KALRN: variants seen among roughly 807,000 people sequenced by gnomAD.
The protein encoded by KALRN is kalirin RhoGEF kinase.
In KALRN, 70 loss-of-function variants were observed where a neutral mutation model predicts 353.7. The observed-to-expected ratio is 0.20, with a 90% CI of 0.16 to 0.24. The LOEUF (loss-of-function observed/expected upper bound fraction) is 0.24, where lower values mean the gene tolerates loss of function less well. KALRN is among the 10% of genes least tolerant of loss of function. The pLI, the probability that KALRN is intolerant of heterozygous loss-of-function variation, is 1.00. For missense variants in KALRN, 2,791 were observed against 3,756.7 expected (o/e 0.74, Z 6.72); for synonymous variants, 1,391 against 1,434.8 (o/e 0.97, Z 0.69).
chr3:124,464,822 A>G (rs1053958274), intron 25 of KALRN, among the ~76,000 whole-genome samples: 1 of 151,510 alleles, frequency 6.6e-6, no homozygotes, highest in African/African-American at 2.4e-5. Flanking sequence ...AGCTGTCTAA[A>G]GAAGACAAAC....
intron 56 of KALRN, 62 bp from the exon 57 acceptor site, chr3:124,701,976 A>AT: frequency 1.9e-5 from 26 of 1,357,324 alleles, no homozygotes; most frequent in South Asian, 3.5e-5. Flanking sequence ...TTTTCTGTTA[A>AT]TTTTTTCTTT....
In KALRN at chr3:124,540,013, G is replaced by A. The variant is rs571239069; in HGVS notation, c.4936-22830G>A. ...CAACCTCCGCCTCCCAGGTTCAAGC[G>A]ATTCTCCTGCCTCAGCCTCCCGATT... On this transcript the variant is annotated intron_variant, in intron 33 of 59. Coordinates refer to ENST00000682506, the MANE Select transcript of KALRN (RefSeq NM_001388419.1). Among the ~76,000 whole-genome samples, 12 of 152,014 alleles carry A rather than the reference G, an allele frequency of 7.9e-5. No individual in the cohort carries two copies. The South Asian group carries it at 1.7e-3, about 21-fold the overall frequency.
At chr3:124,437,784 G>A (rs963651) in intron 17 of KALRN, among the ~76,000 whole-genome samples, 80,322 of 150,502 alleles carry the variant, frequency 0.53, 22,459 homozygotes, top group East Asian at 0.78. Context: ...CCCTACTGCC[G>A]TATCCAAACA....
chr3:124,596,001 G>C (rs180832033), intron 34 of KALRN, among the ~76,000 whole-genome samples: 181 of 152,282 alleles, frequency 1.2e-3, no homozygotes, highest in African/African-American at 4.1e-3. Flanking sequence ...CAGCTCTGCT[G>C]TAACTCTGTG....
In KALRN at chr3:124,725,319, A is replaced by G. The variant is rs796642224; in HGVS notation, c.*5849A>G. 1.6e-4 allele frequency: 24 copies of G among 152,308 alleles called. No homozygotes were observed. Among genetic ancestry groups the G allele is most frequent in the African/African-American group, 5.3e-4 (22 of 41,564 alleles). The allele number at this position is 152,308 out of a possible 1,614,324, so 9.4% of individuals were successfully genotyped here. On this transcript the variant is annotated 3_prime_UTR_variant, in exon 60 of 60. Coordinates refer to ENST00000682506, the MANE Select transcript of KALRN (RefSeq NM_001388419.1). The stretch of plus-strand genomic sequence containing the variant: ...GTGCTTTTACTTCTGTTTCTGCCAA[A>G]CTTCAGCCTACTCTATGGGGAAGGT...
At chr3:124,651,271 AG>A (rs1304563457) in intron 38 of KALRN, among the ~76,000 whole-genome samples, 2 of 152,246 alleles carry the variant, frequency 1.3e-5, no homozygotes, top group Non-Finnish European at 2.9e-5. Context: ...CTATAGAATC[AG>A]AGAGTCTCTG....
chr3:124,633,416 A>C (rs1037641772), intron 35 of KALRN, among the ~76,000 whole-genome samples: 1 of 152,230 alleles, frequency 6.6e-6, no homozygotes, highest in Non-Finnish European at 1.5e-5. Context: ...GATGTGGCTA[A>C]GAAATTCTTT....
chr3:124,216,525 C>T (rs940353563), intron 1 of KALRN, among the ~76,000 whole-genome samples: 38 of 152,324 alleles, frequency 2.5e-4, no homozygotes, highest in African/African-American at 8.2e-4. Flanking sequence ...TGGCTTTCCC[C>T]CATCACATAC....
At chr3:124,529,681 G>T (rs1247885522) in intron 33 of KALRN, among the ~76,000 whole-genome samples, 1 of 151,908 alleles carries the variant, frequency 6.6e-6, no homozygotes, top group African/African-American at 2.4e-5. Flanking sequence ...TCTGATAAAT[G>T]CCAACTCTTC....
chr3:124,541,674 G>A (rs1310274258), intron 33 of KALRN, among the ~76,000 whole-genome samples: 1 of 150,306 alleles, frequency 6.7e-6, no homozygotes, highest in Non-Finnish European at 1.5e-5. Context: ...CTTGAGGTCA[G>A]AAGTTTGAGA....
intron 34 of KALRN, chr3:124,585,049 A>G (rs1304184883): frequency 1.9e-6 from 2 of 1,043,546 alleles, no homozygotes; most frequent in African/African-American, 3.4e-5. Flanking sequence ...CGGCGAAGTG[A>G]GAGAGTTTGC....
chr3:124,115,093 G>A (rs1021824324), intron 1 of KALRN, among the ~76,000 whole-genome samples: 3 of 152,170 alleles, frequency 2.0e-5, no homozygotes, highest in Non-Finnish European at 4.4e-5. Context: ...GGCCTTAAAG[G>A]ATGGGTAAAA....
intron 34 of KALRN, among the ~76,000 whole-genome samples, chr3:124,625,737 G>A (rs2079876883): frequency 7.8e-6 from 1 of 127,444 alleles, no homozygotes; most frequent in Non-Finnish European, 1.6e-5. Context: ...TGTTCATTAG[G>A]AAAATATATT....
chr3:124,291,007 A>G (rs910603170), intron 5 of KALRN, among the ~76,000 whole-genome samples: 2 of 152,312 alleles, frequency 1.3e-5, no homozygotes. Context: ...GGTCCCACTA[A>G]ACACTCAGAT....
intron 34 of KALRN, among the ~76,000 whole-genome samples, chr3:124,615,556 C>G (rs1332675617): frequency 2.0e-5 from 3 of 152,098 alleles, no homozygotes; most frequent in African/African-American, 7.2e-5. Flanking sequence ...AAGCTAAGGG[C>G]AAAATGTTAA....
chr3:124,197,690 C>T (rs914652957), intron 1 of KALRN, among the ~76,000 whole-genome samples: 5 of 152,192 alleles, frequency 3.3e-5, no homozygotes, highest in Non-Finnish European at 5.9e-5. Flanking sequence ...TTAGCAGGGA[C>T]GTGACAGGCA....
At chr3:124,715,015 CAA>C (rs57167927) in intron 58 of KALRN, among the ~76,000 whole-genome samples, 43,212 of 126,300 alleles carry the variant, frequency 0.34, 7,225 homozygotes, top group Middle Eastern at 0.51. Flanking sequence ...GACTCCATCT[CAA>C]AAAAAAAAAA....
At chr3:124,115,576 G>C (rs1056472805) in intron 1 of KALRN, among the ~76,000 whole-genome samples, 6 of 152,170 alleles carry the variant, frequency 3.9e-5, no homozygotes, top group African/African-American at 1.4e-4. Context: ...GCCACTGTCC[G>C]AGCCCTGCTG....
At chr3:124,528,738 A>G (rs1229473596) in intron 33 of KALRN, among the ~76,000 whole-genome samples, 1 of 152,208 alleles carries the variant, frequency 6.6e-6, no homozygotes, top group Non-Finnish European at 1.5e-5. Flanking sequence ...CTAAGATGGC[A>G]TTGGTTAGCC....
Sources: gnomAD v4.1 joint callset for allele counts (sites outside exome capture counted in the v4.1 genomes callset) on GRCh38, gnomAD v4.1.1 for gene constraint, MANE v1.5 for transcripts, NCBI Gene and HGNC (gene_info 2026-07-23, HGNC 2026-07-21) for gene names.